MSRB3: variants seen among roughly 807,000 people sequenced by gnomAD.
MSRB3 encodes methionine-R-sulfoxide reductase B3.
Under a neutral mutation model 21.0 loss-of-function variants are expected in MSRB3, and 13 were observed. That is an observed-to-expected ratio of 0.62 (90% CI 0.40 to 0.98). MSRB3 has a LOEUF of 0.98. Ranked by LOEUF, MSRB3 falls within the 50% of genes least tolerant of loss-of-function variation. The pLI is 0.00. For missense variants in MSRB3, 199 were observed against 230.3 expected, an observed-to-expected ratio of 0.86 and a Z score of 0.88; for synonymous variants, 87 against 88.6, an observed-to-expected ratio of 0.98 and a Z score of 0.10.
At chr12:65,358,470 G>T (rs990199733) in intron 4 of MSRB3, among the ~76,000 whole-genome samples, 5 of 151,754 alleles carry the variant, frequency 3.3e-5, no homozygotes, top group African/African-American at 9.7e-5. Context: ...TGCTCATATT[G>T]TTCCAGGTTT....
At chr12:65,454,081 C>G in intron 6 of MSRB3, 1 of 623,238 alleles carries the variant, frequency 1.6e-6, no homozygotes. Flanking sequence ...GCCAGAAGTT[C>G]AAGACGAGTC....
intron 2 of MSRB3, among the ~76,000 whole-genome samples, chr12:65,312,240 T>C (rs1171798895): frequency 6.6e-6 from 1 of 152,080 alleles, no homozygotes; most frequent in African/African-American, 2.4e-5. Context: ...CTTTTGACTT[T>C]AGGTTAATCA....
intron 2 of MSRB3, among the ~76,000 whole-genome samples, chr12:65,313,099 A>G (rs1392166576): frequency 6.6e-6 from 1 of 152,092 alleles, no homozygotes; most frequent in African/African-American, 2.4e-5. Context: ...TCTTGCAAAC[A>G]GTTTTGAGTT....
intron 5 of MSRB3, among the ~76,000 whole-genome samples, chr12:65,396,677 G>C (rs1275648323): frequency 8.3e-6 from 1 of 119,854 alleles, no homozygotes; most frequent in East Asian, 2.3e-4. Context: ...GGTGACAAGA[G>C]TGAAACTCCA....
At chr12:65,369,656 G>A (rs1199024244) in intron 5 of MSRB3, among the ~76,000 whole-genome samples, 1 of 152,090 alleles carries the variant, frequency 6.6e-6, no homozygotes, top group Non-Finnish European at 1.5e-5. Context: ...ATGTCATTAT[G>A]TCACTTGCTG....
intron 5 of MSRB3, among the ~76,000 whole-genome samples, chr12:65,451,452 G>A (rs971673721): frequency 3.3e-5 from 5 of 151,966 alleles, no homozygotes; most frequent in African/African-American, 1.2e-4. Flanking sequence ...ATCTAATTCA[G>A]GTAGAAAAAA....
intron 5 of MSRB3, among the ~76,000 whole-genome samples, chr12:65,433,922 G>T (rs1433090120): frequency 6.6e-6 from 1 of 151,796 alleles, no homozygotes; most frequent in African/African-American, 2.4e-5. Flanking sequence ...GATCTGCAGG[G>T]AGTACTTGAT....
intron 4 of MSRB3, among the ~76,000 whole-genome samples, chr12:65,341,881 G>T (rs1876166561): frequency 6.6e-6 from 1 of 151,836 alleles, no homozygotes; most frequent in Non-Finnish European, 1.5e-5. Context: ...ACTCAGAAGA[G>T]ATTTTATACA....
intron 2 of MSRB3, among the ~76,000 whole-genome samples, chr12:65,310,385 T>A (rs1326285970): frequency 6.6e-6 from 1 of 152,342 alleles, no homozygotes; most frequent in East Asian, 1.9e-4. Flanking sequence ...TGACAAGGTT[T>A]GTCTGTTGAA....
chr12:65,391,881 G>A (rs2136579495), intron 5 of MSRB3, among the ~76,000 whole-genome samples: 1 of 152,250 alleles, frequency 6.6e-6, no homozygotes, highest in South Asian at 2.1e-4. Flanking sequence ...AAATGGGAGA[G>A]TGTCCCAGGA....
At chr12:65,460,984 T>G (rs1883304516) in intron 6 of MSRB3, among the ~76,000 whole-genome samples, 1 of 152,182 alleles carries the variant, frequency 6.6e-6, no homozygotes, top group South Asian at 2.1e-4. Context: ...GTAGAATAAA[T>G]AGAAATATTT....
chr12:65,329,131 T>G (rs1875245868), intron 4 of MSRB3, among the ~76,000 whole-genome samples: 1 of 152,200 alleles, frequency 6.6e-6, no homozygotes, highest in South Asian at 2.1e-4. Flanking sequence ...TTCAAAATCT[T>G]TATTTTAAAG....
chr12:65,340,970 A>G (rs1876099971), intron 4 of MSRB3, among the ~76,000 whole-genome samples: 1 of 152,156 alleles, frequency 6.6e-6, no homozygotes, highest in Non-Finnish European at 1.5e-5. Flanking sequence ...TATAAACTGT[A>G]TCAATTAAAG....
chr12:65,346,904 A>G (rs1401446953), intron 4 of MSRB3, among the ~76,000 whole-genome samples: 2 of 151,952 alleles, frequency 1.3e-5, no homozygotes, highest in South Asian at 2.1e-4. Flanking sequence ...GTAGATATGC[A>G]GCATTATTTC....
At position 65,466,765 on chromosome 12, in the gene MSRB3, T is replaced by A. The variant is rs1394432433; in HGVS notation, c.*3443T>A. 1 of 152,238 alleles carries A rather than the reference T, an allele frequency of 6.6e-6. No individual in the cohort carries two copies. The highest frequency in any genetic ancestry group is 1.5e-5 in the Non-Finnish European group (1 of 68,038). 9.4% of individuals were successfully genotyped at this position (152,238 alleles called of 1,614,324 possible). ...ATCTTTTGTTTAGATGGTTAAATAT[T>A]ATTTTTGCCTTAGATAGCTTTGTAA... On this transcript the variant is annotated 3_prime_UTR_variant, in exon 7 of 7. Transcript: ENST00000308259.
At chr12:65,442,993 C>T (rs1422525548) in intron 5 of MSRB3, among the ~76,000 whole-genome samples, 1 of 151,922 alleles carries the variant, frequency 6.6e-6, no homozygotes, top group Admixed American at 6.6e-5. Flanking sequence ...TTTATTGAAC[C>T]TGAAAAAATA....
At chr12:65,454,220 C>A in intron 6 of MSRB3, 1 of 412,080 alleles carries the variant, frequency 2.4e-6, no homozygotes, top group South Asian at 2.5e-5. Context: ...CCCAGGAGGT[C>A]GAGGCTGCAG....
At chr12:65,300,564 TA>T (rs2136410357) in intron 1 of MSRB3, among the ~76,000 whole-genome samples, 1 of 152,298 alleles carries the variant, frequency 6.6e-6, no homozygotes, top group South Asian at 2.1e-4. Context: ...GAGATTAAAA[TA>T]AAGTTTAGTT....
chr12:65,450,281 C>A (rs1882799910), intron 5 of MSRB3, among the ~76,000 whole-genome samples: 2 of 151,956 alleles, frequency 1.3e-5, no homozygotes, highest in South Asian at 4.2e-4. Flanking sequence ...ATGAATGTGG[C>A]CTGATGGGTG....
Sources: gnomAD v4.1 joint callset for allele counts (sites outside exome capture counted in the v4.1 genomes callset) on GRCh38, gnomAD v4.1.1 for gene constraint, MANE v1.5 for transcripts, NCBI Gene and HGNC (gene_info 2026-07-23, HGNC 2026-07-21) for gene names.